The following N4BP2 variants were observed in gnomAD, a reference collection of about 807,000 sequenced individuals.
N4BP2 encodes the protein NEDD4 binding protein 2.
In N4BP2, 91 loss-of-function variants were observed where a neutral mutation model predicts 152.8. The observed-to-expected ratio is 0.60, with a 90% confidence interval of 0.50 to 0.71. The LOEUF (loss-of-function observed/expected upper bound fraction) is 0.71, where lower values mean the gene tolerates loss of function less well. N4BP2 is among the 30% of genes least tolerant of loss of function. The pLI, the probability that N4BP2 is intolerant of heterozygous loss-of-function variation, is 0.00. For missense variants in N4BP2, 1,923 were observed against 2,059.1 expected (o/e 0.93, Z 1.28); for synonymous variants, 646 against 705.3 (o/e 0.92, Z 1.33).
chr4:40,146,408 T>C (rs1720525119), intron 16 of N4BP2, among the ~76,000 whole-genome samples: 1 of 152,144 alleles, frequency 6.6e-6, no homozygotes, highest in Non-Finnish European at 1.5e-5. Context: ...AAAAGCTTAT[T>C]GTATAATTGG....
intron 8 of N4BP2, among the ~76,000 whole-genome samples, chr4:40,119,178 A>G (rs1431248811): frequency 1.3e-5 from 2 of 152,214 alleles, no homozygotes; most frequent in Non-Finnish European, 2.9e-5. Flanking sequence ...AAATCTTATA[A>G]GGATTATGAA....
chr4:40,150,676 G>GGGAA (rs1553928674), intron 16 of N4BP2, among the ~76,000 whole-genome samples: 19 of 146,394 alleles, frequency 1.3e-4, no homozygotes, highest in Non-Finnish European at 2.1e-4. Flanking sequence ...GTCTCAGGGG[G>GGGAA]AAAAAAAAAA....
At chr4:40,101,947 AATATTGT>A (rs1715692866) in intron 3 of N4BP2, 121 bp from the exon 4 acceptor site, 3 of 518,008 alleles carry the variant, frequency 5.8e-6, no homozygotes, top group Non-Finnish European at 9.3e-6. Flanking sequence ...AAATAACATG[AATATTGT>A]ACATTTATAT....
At chr4:40,143,004 T>C (rs554835231) in intron 15 of N4BP2, 143 bp downstream of exon 15, 1 of 663,712 alleles carries the variant, frequency 1.5e-6, no homozygotes, top group Non-Finnish European at 2.6e-6. Flanking sequence ...TAAGGTATCC[T>C]AAGAAATGTA....
chr4:40,175,278 T>C, the N4BP2 span, among the ~76,000 whole-genome samples: 47 of 150,078 alleles, frequency 3.1e-4, no homozygotes, highest in Non-Finnish European at 6.1e-4. Flanking sequence ...GTGCGTCAGC[T>C]TCCCAAAGTG....
At chr4:40,079,109 A>G (rs1713088813) in intron 2 of N4BP2, among the ~76,000 whole-genome samples, 2 of 151,518 alleles carry the variant, frequency 1.3e-5, no homozygotes, top group Non-Finnish European at 2.9e-5. Flanking sequence ...TTTGGTAGAG[A>G]TGGGGTTTTA....
At chr4:40,109,577 G>A (rs1446099795) in intron 5 of N4BP2, among the ~76,000 whole-genome samples, 1 of 152,012 alleles carries the variant, frequency 6.6e-6, no homozygotes, top group African/African-American at 2.4e-5. Context: ...AATTAACCGG[G>A]CATGGTGGTG....
chr4:40,107,072 G>T (rs773806250), intron 5 of N4BP2, 48 bp downstream of exon 5: 1 of 1,577,678 alleles, frequency 6.3e-7, no homozygotes, highest in Admixed American at 1.9e-5. Flanking sequence ...GTAATACAAA[G>T]AAAAAATTCA....
the N4BP2 span, among the ~76,000 whole-genome samples, chr4:40,188,642 G>T: frequency 6.6e-6 from 1 of 151,636 alleles, no homozygotes; most frequent in Non-Finnish European, 1.5e-5. Context: ...TACTCAGGAG[G>T]CTGAGGTTGG....
At chr4:40,062,212 G>A (rs112112632) in intron 1 of N4BP2, among the ~76,000 whole-genome samples, 3 of 151,686 alleles carry the variant, frequency 2.0e-5, no homozygotes, top group African/African-American at 7.3e-5. Context: ...CTGAGTAGCC[G>A]GGACTACAGG....
chr4:40,124,510 C>T (rs1157210661), intron 11 of N4BP2, among the ~76,000 whole-genome samples: 2 of 151,958 alleles, frequency 1.3e-5, no homozygotes, highest in Non-Finnish European at 2.9e-5. Flanking sequence ...CCACACCTGG[C>T]TAATTTTTGT....
chr4:40,142,333 C>T, intron 14 of N4BP2: 1 of 313,010 alleles, frequency 3.2e-6, no homozygotes, highest in Non-Finnish European at 6.3e-6. Flanking sequence ...TGGAGTTGGG[C>T]TGGGGGTGAC....
chr4:40,106,784 A>C, intron 4 of N4BP2, 116 bp from the exon 5 acceptor site: 1 of 963,562 alleles, frequency 1.0e-6, no homozygotes, highest in Non-Finnish European at 1.5e-6. Context: ...CCTGGCCTCA[A>C]GTGATCCACA....
intron 2 of N4BP2, among the ~76,000 whole-genome samples, chr4:40,090,578 A>C (rs1197870043): frequency 6.6e-6 from 1 of 152,226 alleles, no homozygotes; most frequent in African/African-American, 2.4e-5. Context: ...ACTTTCGTTC[A>C]ACGTCATTCT....
chr4:40,127,206 CTTT>C (rs1455422878), intron 12 of N4BP2, among the ~76,000 whole-genome samples: 1 of 151,664 alleles, frequency 6.6e-6, no homozygotes, highest in African/African-American at 2.4e-5. Flanking sequence ...TCTTCTTCTT[CTTT>C]TTTTCTTTTT....
the N4BP2 span, among the ~76,000 whole-genome samples, chr4:40,178,448 A>G: frequency 6.6e-6 from 1 of 151,904 alleles, no homozygotes; most frequent in African/African-American, 2.4e-5. Flanking sequence ...GAAAAGAAAA[A>G]CCTTCATCTT....
chr4:40,157,692 T>C lies in N4BP2; in HGVS notation c.*3455T>C, dbSNP rs1721712057. ...GTTTGGTAATTTTTCGGTGTAGTAG[T>C]TAAATATTGCTCAATTTTTATTTAC... On this transcript the variant is annotated 3_prime_UTR_variant, in exon 18 of 18. Transcript: ENST00000261435. The C allele has an allele frequency of 6.6e-6, 1 of 152,210 alleles. No homozygotes were observed. Among genetic ancestry groups the C allele is most frequent in the Non-Finnish European group, 1.5e-5 (1 of 68,008 alleles). 9.4% of individuals were successfully genotyped at this position (152,210 alleles called of 1,614,324 possible).
chr4:40,064,463 C>T (rs991582792), intron 1 of N4BP2, among the ~76,000 whole-genome samples: 5 of 151,848 alleles, frequency 3.3e-5, no homozygotes, highest in East Asian at 2.0e-4. Flanking sequence ...TTAGTAGAGA[C>T]GGGGTTTTGC....
At chr4:40,162,371 C>T (rs1254191053), downstream of N4BP2, among the ~76,000 whole-genome samples, 1 of 151,988 alleles carries the variant, frequency 6.6e-6, no homozygotes, top group Non-Finnish European at 1.5e-5. Flanking sequence ...TGTGGTGGCA[C>T]ATGCTTGAAA....
Sources: allele counts gnomAD v4.1 joint callset (sites outside exome capture counted in the v4.1 genomes callset), GRCh38; gene constraint gnomAD v4.1.1; transcripts MANE v1.5; gene names NCBI Gene and HGNC (gene_info 2026-07-23, HGNC 2026-07-21).